LSAMP: variants seen among roughly 807,000 people sequenced by gnomAD.
LSAMP encodes the protein limbic system-associated membrane protein.
LSAMP carries 7 observed loss-of-function variants against 38.6 expected under a neutral mutation model. The ratio of observed to expected loss-of-function variants is 0.18; its 90% CI spans 0.10 to 0.34. LSAMP has a LOEUF of 0.34. LSAMP is among the 10% of genes least tolerant of loss of function. LSAMP has a pLI of 1.00. For missense variants in LSAMP, 313 were observed against 420.0 expected, an observed-to-expected ratio of 0.75 and a Z score of 2.23; for synonymous variants, 154 against 166.8, an observed-to-expected ratio of 0.92 and a Z score of 0.59.
At chr3:116,171,662 C>T (rs1220392999) in intron 1 of LSAMP, among the ~76,000 whole-genome samples, 1 of 152,068 alleles carries the variant, frequency 6.6e-6, no homozygotes, top group Non-Finnish European at 1.5e-5. Flanking sequence ...TGAGTCATCT[C>T]TAAATCCAAA....
chr3:115,881,246 C>T (rs1263292439), intron 3 of LSAMP, among the ~76,000 whole-genome samples: 2 of 152,066 alleles, frequency 1.3e-5, no homozygotes, highest in African/African-American at 4.8e-5. Context: ...GTGTTATGCA[C>T]ATAACCATTG....
chr3:116,002,223 G>C (rs77431790), intron 3 of LSAMP, among the ~76,000 whole-genome samples: 2,042 of 152,222 alleles, frequency 0.013, 29 homozygotes, highest in African/African-American at 0.034. Flanking sequence ...CCACTCCACT[G>C]TGTGTGGCTT....
intron 3 of LSAMP, among the ~76,000 whole-genome samples, chr3:115,938,062 G>A (rs1937771046): frequency 6.6e-6 from 1 of 152,160 alleles, no homozygotes; most frequent in Non-Finnish European, 1.5e-5. Context: ...TTGAATGTGG[G>A]CAAGACAACA....
chr3:116,045,541 T>TAAAAAAAAA (rs10662058), intron 2 of LSAMP, among the ~76,000 whole-genome samples: 1 of 76,022 alleles, frequency 1.3e-5, no homozygotes, highest in Non-Finnish European at 2.6e-5. Context: ...GTGGAGGTGG[T>TAAAAAAAAA]AAAAAAAAAA....
At chr3:115,979,758 C>T (rs972957017) in intron 3 of LSAMP, among the ~76,000 whole-genome samples, 1 of 152,108 alleles carries the variant, frequency 6.6e-6, no homozygotes, top group Non-Finnish European at 1.5e-5. Flanking sequence ...AGTTTCTCTC[C>T]TCTGAATAAA....
At chr3:116,425,363 C>T (rs531641429) in intron 1 of LSAMP, among the ~76,000 whole-genome samples, 1 of 152,262 alleles carries the variant, frequency 6.6e-6, no homozygotes, top group South Asian at 2.1e-4. Context: ...TCTGTACATA[C>T]CATTAAAAGA....
intron 1 of LSAMP, among the ~76,000 whole-genome samples, chr3:116,189,354 G>A (rs899043455): frequency 4.6e-5 from 7 of 152,200 alleles, no homozygotes; most frequent in Admixed American, 6.5e-5. Context: ...ATACAGCAGA[G>A]CCTCTCAACT....
chr3:116,169,506 T>A (rs1409751392), intron 1 of LSAMP, among the ~76,000 whole-genome samples: 2 of 152,180 alleles, frequency 1.3e-5, no homozygotes, highest in Non-Finnish European at 2.9e-5. Flanking sequence ...CTTCTTCCTT[T>A]CTTCTTCACA....
chr3:115,938,528 C>G (rs1937787770), intron 3 of LSAMP, among the ~76,000 whole-genome samples: 1 of 151,964 alleles, frequency 6.6e-6, no homozygotes, highest in African/African-American at 2.4e-5. Flanking sequence ...TGTTTACGAC[C>G]TTATAACATG....
At chr3:116,253,697 T>C (rs1191273170) in intron 1 of LSAMP, among the ~76,000 whole-genome samples, 1 of 152,176 alleles carries the variant, frequency 6.6e-6, no homozygotes, top group Non-Finnish European at 1.5e-5. Flanking sequence ...GTTATTGTGC[T>C]TCAGTGAACC....
intron 1 of LSAMP, among the ~76,000 whole-genome samples, chr3:116,102,242 G>A (rs1576363312): frequency 6.6e-6 from 1 of 152,142 alleles, no homozygotes; most frequent in Admixed American, 6.5e-5. Context: ...TAGTTATTCA[G>A]ATAAAACTAT....
chr3:115,992,373 A>G, intron 3 of LSAMP, among the ~76,000 whole-genome samples: 1 of 152,074 alleles, frequency 6.6e-6, no homozygotes, highest in Admixed American at 6.6e-5. Flanking sequence ...AAAAATCTTT[A>G]TTTTTAAATT....
chr3:116,439,322 T>TG (rs1425543055), intron 1 of LSAMP, among the ~76,000 whole-genome samples: 1 of 151,534 alleles, frequency 6.6e-6, no homozygotes, highest in African/African-American at 2.4e-5. Context: ...TTTTGTTGTT[T>TG]TTTTTTTTTA....
chr3:116,140,586 T>G (rs946071818), intron 1 of LSAMP, among the ~76,000 whole-genome samples: 1 of 151,968 alleles, frequency 6.6e-6, no homozygotes, highest in Non-Finnish European at 1.5e-5. Context: ...CCTCTGAAGC[T>G]CTAGATCAAG....
chr3:116,182,894 C>T (rs1272910693), intron 1 of LSAMP, among the ~76,000 whole-genome samples: 1 of 151,794 alleles, frequency 6.6e-6, no homozygotes, highest in Non-Finnish European at 1.5e-5. Flanking sequence ...ATTTTGCCAT[C>T]ACAATGACTA....
chr3:116,132,048 G>A (rs150370624), intron 1 of LSAMP, among the ~76,000 whole-genome samples: 8,825 of 151,814 alleles, frequency 0.058, 306 homozygotes, highest in Middle Eastern at 0.16. Flanking sequence ...GGCTGGTCTC[G>A]AACTCCTGAA....
At chr3:116,416,794 C>T (rs545909195) in intron 1 of LSAMP, among the ~76,000 whole-genome samples, 1 of 118,374 alleles carries the variant, frequency 8.4e-6, no homozygotes, top group South Asian at 2.3e-4. Context: ...AGGGCAGAGA[C>T]TTCTTCTTCT....
chr3:116,134,693 T>A (rs1709207622), intron 1 of LSAMP, among the ~76,000 whole-genome samples: 1 of 152,210 alleles, frequency 6.6e-6, no homozygotes, highest in African/African-American at 2.4e-5. Flanking sequence ...GCTGACCACA[T>A]AGCCTCTTTC....
intron 3 of LSAMP, among the ~76,000 whole-genome samples, chr3:115,904,198 T>C (rs1348224971): frequency 6.6e-6 from 1 of 152,150 alleles, no homozygotes; most frequent in Non-Finnish European, 1.5e-5. Context: ...TCACTATAGA[T>C]TTAAAAAGAT....
Sources: gnomAD v4.1 joint callset for allele counts (sites outside exome capture counted in the v4.1 genomes callset) on GRCh38, gnomAD v4.1.1 for gene constraint, MANE v1.5 for transcripts, NCBI Gene and HGNC (gene_info 2026-07-23, HGNC 2026-07-21) for gene names.